Variants in CTNNA3 observed in about 807,000 individuals in gnomAD.
The protein encoded by CTNNA3 is catenin alpha 3.
Under a neutral mutation model 95.7 loss-of-function variants are expected in CTNNA3, and 76 were observed. The observed-to-expected ratio is 0.79, with a 90% confidence interval of 0.66 to 0.96. CTNNA3 has a LOEUF of 0.96. Ranked by LOEUF, CTNNA3 falls within the 40% of genes least tolerant of loss-of-function variation. CTNNA3 has a pLI of 0.00. For synonymous variants in CTNNA3, 431 were observed against 374.4 expected, an observed-to-expected ratio of 1.15 and a Z score of -1.74; for missense variants, 1,191 against 1,089.8, an observed-to-expected ratio of 1.09 and a Z score of -1.31.
At chr10:67,495,957 C>A (rs961840934) in intron 5 of CTNNA3, among the ~76,000 whole-genome samples, 2 of 152,188 alleles carry the variant, frequency 1.3e-5, no homozygotes, top group Non-Finnish European at 2.9e-5. Flanking sequence ...TATCTCCTAA[C>A]ATTCCAACCT....
intron 5 of CTNNA3, among the ~76,000 whole-genome samples, chr10:67,271,330 C>T (rs200763081): frequency 1.3e-5 from 2 of 152,104 alleles, no homozygotes; most frequent in Admixed American, 6.6e-5. Flanking sequence ...ATAGTGAGTT[C>T]GTTCTCAGGA....
chr10:66,385,767 G>T (rs569451159), intron 11 of CTNNA3, among the ~76,000 whole-genome samples: 1 of 152,046 alleles, frequency 6.6e-6, no homozygotes, highest in East Asian at 1.9e-4. Flanking sequence ...TTCATCCCTG[G>T]GATGCAAGGC....
chr10:66,525,637 G>A (rs1055779518), intron 10 of CTNNA3, among the ~76,000 whole-genome samples: 1 of 152,260 alleles, frequency 6.6e-6, no homozygotes, highest in Non-Finnish European at 1.5e-5. Context: ...GAGTGTGTGT[G>A]TGTGCATGTG....
intron 5 of CTNNA3, among the ~76,000 whole-genome samples, chr10:67,308,503 CTCTT>C (rs1430240278): frequency 2.6e-5 from 4 of 152,188 alleles, no homozygotes; most frequent in Non-Finnish European, 5.9e-5. Context: ...CATTAAATCT[CTCTT>C]TCTTTATAAA....
chr10:66,385,653 G>A (rs1367431106), intron 11 of CTNNA3, among the ~76,000 whole-genome samples: 1 of 152,150 alleles, frequency 6.6e-6, no homozygotes, highest in African/African-American at 2.4e-5. Flanking sequence ...GAGAATTTTA[G>A]ATCAATATCC....
chr10:67,618,187 C>T (rs1230027878), intron 2 of CTNNA3, among the ~76,000 whole-genome samples: 3 of 152,078 alleles, frequency 2.0e-5, no homozygotes, highest in Admixed American at 1.3e-4. Context: ...CATCAATAAC[C>T]TTTGACTGCT....
At chr10:66,506,736 T>G (rs752878525) in intron 11 of CTNNA3, among the ~76,000 whole-genome samples, 5 of 152,128 alleles carry the variant, frequency 3.3e-5, no homozygotes, top group Admixed American at 6.5e-5. Flanking sequence ...TTTATCAAAA[T>G]CATTTTTTCA....
At chr10:66,006,880 G>A (rs919354258) in intron 15 of CTNNA3, among the ~76,000 whole-genome samples, 4 of 152,212 alleles carry the variant, frequency 2.6e-5, no homozygotes, top group Admixed American at 2.0e-4. Flanking sequence ...AGGTGAAAGA[G>A]CCACTAACTT....
chr10:66,310,469 T>C (rs1335512504), intron 12 of CTNNA3, among the ~76,000 whole-genome samples: 2 of 152,168 alleles, frequency 1.3e-5, no homozygotes, highest in Non-Finnish European at 2.9e-5. Flanking sequence ...CAATAATAGA[T>C]GATAATTTGT....
chr10:67,150,237 TCCATGG>T (rs1861029458), intron 7 of CTNNA3, among the ~76,000 whole-genome samples: 1 of 152,194 alleles, frequency 6.6e-6, no homozygotes, highest in South Asian at 2.1e-4. Flanking sequence ...ATTTGGAAAT[TCCATGG>T]AATTTTGATT....
At chr10:66,348,552 T>C (rs2092542598) in intron 12 of CTNNA3, among the ~76,000 whole-genome samples, 1 of 152,148 alleles carries the variant, frequency 6.6e-6, no homozygotes. Flanking sequence ...TCAAAAAAGT[T>C]GAATATCAGT....
chr10:67,633,094 G>A (rs895611249), intron 2 of CTNNA3, among the ~76,000 whole-genome samples: 6 of 152,074 alleles, frequency 3.9e-5, no homozygotes, highest in African/African-American at 1.2e-4. Context: ...CCCGACAATA[G>A]CACAGCTGCC....
chr10:66,113,494 A>G (rs1378630845), intron 13 of CTNNA3, among the ~76,000 whole-genome samples: 2 of 152,184 alleles, frequency 1.3e-5, no homozygotes, highest in African/African-American at 2.4e-5. Context: ...ATGGTAGAAC[A>G]TAATATCTAG....
At chr10:67,628,035 G>T (rs551370153) in intron 2 of CTNNA3, among the ~76,000 whole-genome samples, 7 of 145,484 alleles carry the variant, frequency 4.8e-5, no homozygotes, top group Admixed American at 1.4e-4. Context: ...GGTATAGAAA[G>T]TTGAGAAAGA....
intron 5 of CTNNA3, among the ~76,000 whole-genome samples, chr10:67,475,608 A>C (rs1408113877): frequency 6.6e-6 from 1 of 152,218 alleles, no homozygotes; most frequent in Admixed American, 6.5e-5. Context: ...AGAGGTATTT[A>C]ATTTTTAAGA....
At chr10:66,201,380 G>T (rs1016523929) in intron 13 of CTNNA3, among the ~76,000 whole-genome samples, 2 of 152,080 alleles carry the variant, frequency 1.3e-5, no homozygotes, top group Non-Finnish European at 2.9e-5. Context: ...CTGGCAAAAG[G>T]CAGAAGAACT....
At chr10:66,293,288 T>C (rs2091717426) in intron 12 of CTNNA3, among the ~76,000 whole-genome samples, 1 of 152,154 alleles carries the variant, frequency 6.6e-6, no homozygotes, top group South Asian at 2.1e-4. Context: ...TATTACCTGT[T>C]ATATATTTGC....
rs555305271 is a variant in CTNNA3, at chr10:66,276,722, C to T, written c.1884+3748G>A. Among the ~76,000 whole-genome samples, 5 of 152,080 alleles carry T rather than the reference C, an allele frequency of 3.3e-5. No homozygotes were observed. The South Asian group carries it at 8.3e-4, about 25-fold the overall frequency. On this transcript the variant is annotated intron_variant, in intron 13 of 17. Coordinates refer to ENST00000433211, the MANE Select transcript of CTNNA3 (RefSeq NM_013266.4). ...CAAGCATGCTTATGTAGTTAATATT[C>T]GTCAAGATATGCAAAAATATTAATT...
At chr10:67,711,922 T>G (rs1278379448) in intron 1 of CTNNA3, among the ~76,000 whole-genome samples, 2 of 152,128 alleles carry the variant, frequency 1.3e-5, no homozygotes, top group Non-Finnish European at 2.9e-5. Flanking sequence ...CTCATCATTT[T>G]TTATGGCTGC....
Sources: gnomAD v4.1 joint callset for allele counts (sites outside exome capture counted in the v4.1 genomes callset) on GRCh38, gnomAD v4.1.1 for gene constraint, MANE v1.5 for transcripts, NCBI Gene and HGNC (gene_info 2026-07-23, HGNC 2026-07-21) for gene names.